RNF44: variants seen among roughly 807,000 people sequenced by gnomAD.
RNF44 encodes ring finger protein 44.
In RNF44, 25 loss-of-function variants were observed where a neutral mutation model predicts 53.6. The observed-to-expected ratio is 0.47, with a 90% CI of 0.34 to 0.65. The LOEUF (loss-of-function observed/expected upper bound fraction) is 0.65. Among genes scored for constraint, RNF44 ranks in the 30% least tolerant of loss-of-function variants. RNF44 has a pLI of 0.01. For missense variants in RNF44, 581 were observed against 595.5 expected (o/e 0.98, Z 0.25); for synonymous variants, 282 against 252.2 (o/e 1.12, Z -1.12).
upstream of RNF44, among the ~76,000 whole-genome samples, chr5:176,540,161 C>G (rs1757415928): frequency 6.6e-6 from 1 of 152,170 alleles, no homozygotes; most frequent in Non-Finnish European, 1.5e-5. Context: ...CGCTGTGTGT[C>G]TCACTCAGTA....
intron 10 of RNF44, 32 bp from the exon 11 acceptor site, chr5:176,529,122 C>T (rs1756313658): frequency 1.2e-6 from 2 of 1,611,446 alleles, no homozygotes; most frequent in South Asian, 2.2e-5. Flanking sequence ...GCGTTGCTCT[C>T]ACCAGCCCCA....
Position 176,531,676 on chromosome 5 carries a change from C to A in RNF44, c.298-46G>T, listed in dbSNP as rs112960485. On this transcript the variant is annotated intron_variant, in intron 3 of 10. Coordinates refer to ENST00000274811, the MANE Select transcript of RNF44 (RefSeq NM_014901.5). This position sits in a 1 kb window ranked among gnomAD's most constrained non-coding sequence, Gnocchi z 4.2. The stretch of plus-strand genomic sequence containing the variant: ...GGGAAAGTATGAAAAGGAAGCTGAC[C>A]GCGAGGGCTACTCTCAGGAGAAATC... 6.5e-7 allele frequency: 1 copy of A among 1,549,684 alleles called. No individual in the cohort carries two copies. Among genetic ancestry groups the A allele is most frequent in the East Asian group, 2.3e-5 (1 of 43,928 alleles).
intron 1 of RNF44, chr5:176,536,411 G>C (rs997774351): frequency 1.6e-4 from 25 of 152,386 alleles, no homozygotes; most frequent in African/African-American, 6.0e-4. Flanking sequence ...TGGGGAAGGG[G>C]GGGCTCCCCA....
At chr5:176,533,255 G>C (rs893494994) in intron 1 of RNF44, among the ~76,000 whole-genome samples, 1 of 152,192 alleles carries the variant, frequency 6.6e-6, no homozygotes, top group Admixed American at 6.5e-5. Context: ...CAGGCAAGAG[G>C]TTCTAACCCG....
chr5:176,531,353 G>A lies in RNF44; in HGVS notation c.465+110C>T. ...GGCCAGGCAGGCGCTCTGACAGCCT[G>A]GATGGCTGGATAGCTCAGCCCAGTT... On this transcript the variant is annotated intron_variant, in intron 4 of 10. Transcript: ENST00000274811. This position sits in a 1 kb window ranked among gnomAD's most constrained non-coding sequence, Gnocchi z 4.2. 9.2e-7 allele frequency: 1 copy of A among 1,092,164 alleles called. No homozygotes were observed. Among genetic ancestry groups the A allele is most frequent in the South Asian group, 1.6e-5 (1 of 61,698 alleles). 67.7% of individuals were successfully genotyped at this position (1,092,164 alleles called of 1,614,324 possible).
At chr5:176,535,531 G>A (rs1757073355) in intron 1 of RNF44, among the ~76,000 whole-genome samples, 1 of 152,148 alleles carries the variant, frequency 6.6e-6, no homozygotes. Context: ...CGAGAGAAAG[G>A]AAGTAAGTTA....
Position 176,531,454 on chromosome 5 carries a change from C to T in RNF44, c.465+9G>A. ...GCTGGTGGAGGAGGAGCTAGAAACA[C>T]TCACTCACCGGGGGCGGGAGGCAGC... On this transcript the variant is annotated intron_variant, in intron 4 of 10. Coordinates refer to ENST00000274811, the MANE Select transcript of RNF44 (RefSeq NM_014901.5). This position sits in a 1 kb window ranked among gnomAD's most constrained non-coding sequence, Gnocchi z 4.2. 1.9e-6 allele frequency: 3 copies of T among 1,549,922 alleles called. No individual in the cohort carries two copies. Among genetic ancestry groups the T allele is most frequent in the Non-Finnish European group, 2.6e-6 (3 of 1,147,328 alleles).
chr5:176,541,973 C>T (rs558041943), upstream of RNF44, among the ~76,000 whole-genome samples: 2 of 152,316 alleles, frequency 1.3e-5, no homozygotes, highest in African/African-American at 2.4e-5. Context: ...CTGCTAAGTC[C>T]TTTCCACTCA....
Position 176,529,366 on chromosome 5 carries a change from GT to G in RNF44, c.1157del (p.Asp386AlafsTer26). 6.2e-7 allele frequency: 1 copy of G among 1,613,494 alleles called. No individual in the cohort carries two copies. The highest frequency in any genetic ancestry group is 8.5e-7 in the Non-Finnish European group (1 of 1,179,950). On this transcript the variant is annotated frameshift_variant, in exon 10 of 11. Transcript: ENST00000274811. LOFTEE classifies it high-confidence loss of function. Reference sequence around the variant, plus strand: ...CTCGGAGCAGCTGCCGCGCCTCGAAGTCACTGAAGCAGACCACACACCTGTG... The same window carrying G: ...CTCGGAGCAGCTGCCGCGCCTCGAAGCACTGAAGCAGACCACACACCTGTG... ...EQTLCVVCFS[D>X]FEARQLLRVL...
chr5:176,530,917 T>TGTGGTGGGGGGGGGGGGGGGGGGGGG lies in RNF44; in HGVS notation c.569_570insCCCCCCCCCCCCCCCCCCCCCACCAC (p.Gln193ProfsTer89). The stretch of plus-strand genomic sequence containing the variant: ...GCGCCATGTGGGTGGGCTGGGGGGG[T>TGTGGTGGGGGGGGGGGGGGGGGGGGG]GGGGCCGGTGGTGGGGGGTGCAGGA... On this transcript the variant is annotated frameshift_variant, in exon 5 of 11. Coordinates refer to ENST00000274811, the MANE Select transcript of RNF44 (RefSeq NM_014901.5). LOFTEE classifies it high-confidence loss of function. 4.3e-6 allele frequency: 1 copy of TGTGGTGGGGGGGGGGGGGGGGGGGGG among 232,856 alleles called. No homozygotes were observed. The highest frequency in any genetic ancestry group is 7.0e-6 in the Non-Finnish European group (1 of 143,580). The allele number at this position is 232,856 out of a possible 1,614,324, so 14.4% of individuals were successfully genotyped here. A position where few individuals can be genotyped will look rare whatever the true frequency, so the allele number is the denominator to read the frequency against.
chr5:176,536,765 C>T (rs774563291), intron 1 of RNF44, among the ~76,000 whole-genome samples, 175 bp downstream of exon 1: 2 of 149,058 alleles, frequency 1.3e-5, no homozygotes, highest in Non-Finnish European at 3.0e-5. Flanking sequence ...ACGGCCCGGC[C>T]ACGGGGGGCC....
chr5:176,529,598 C>T lies in RNF44; in HGVS notation c.1061G>A (p.Gly354Asp). The change falls in exon 9 of 11, where the codon GGT (glycine) becomes GAT (aspartate). Residue 354 changes from glycine to aspartate, a missense_variant. Around this residue, in one of 3 missense-constraint regions of RNF44, gnomAD observed 183 missense variants for 198.6 expected, o/e 0.92. Transcript: ENST00000274811. The part of the protein sequence containing the change: ...AERLGDAKPR[G>D]LTKADIEQLP... ...CTGCTCTATGTCTGCTTTGGTGAGACCCCGGGGCTTGGCATCTCCCAGCCG... is the reference window on the plus strand; with the variant it reads ...CTGCTCTATGTCTGCTTTGGTGAGATCCCGGGGCTTGGCATCTCCCAGCCG... The T allele has an allele frequency of 6.2e-7, 1 of 1,614,000 alleles. No individual in the cohort carries two copies. Among genetic ancestry groups the T allele is most frequent in the Non-Finnish European group, 8.5e-7 (1 of 1,180,030 alleles).
Position 176,531,748 on chromosome 5 carries a change from C to A in RNF44, c.298-118G>T. 8.8e-7 allele frequency: 1 copy of A among 1,141,898 alleles called. No homozygotes were observed. Among genetic ancestry groups the A allele is most frequent in the South Asian group, 1.6e-5 (1 of 64,476 alleles). 70.7% of individuals were successfully genotyped at this position (1,141,898 alleles called of 1,614,324 possible). A position where few individuals can be genotyped will look rare whatever the true frequency, so the allele number is the denominator to read the frequency against. ...GGCTCCCTTCCCTTCTCCACGGCGG[C>A]CTACCTCAGTGCAGACCAGACTGTG... On this transcript the variant is annotated intron_variant, in intron 3 of 10. Transcript: ENST00000274811. This position sits in a 1 kb window ranked among gnomAD's most constrained non-coding sequence, Gnocchi z 4.2.
intron 1 of RNF44, among the ~76,000 whole-genome samples, chr5:176,533,295 G>A (rs911669828): frequency 1.3e-5 from 2 of 152,208 alleles, no homozygotes; most frequent in South Asian, 4.1e-4. Context: ...CCAGTCCAAA[G>A]CAAGACACTA....
chr5:176,531,560 G>A lies in RNF44; in HGVS notation c.368C>T (p.Thr123Ile). The A allele has an allele frequency of 6.2e-7, 1 of 1,613,222 alleles. No homozygotes were observed. The highest frequency in any genetic ancestry group is 8.5e-7 in the Non-Finnish European group (1 of 1,179,748). Residue 123 changes from threonine to isoleucine, a missense_variant, in exon 4 of 11, where the codon ACA becomes ATA. This residue lies in a region of RNF44 where 387 missense variants were observed against 366.0 expected (regional missense o/e 1.06). Coordinates refer to ENST00000274811, the MANE Select transcript of RNF44 (RefSeq NM_014901.5). This position sits in a 1 kb window ranked among gnomAD's most constrained non-coding sequence, Gnocchi z 4.2. ...ACTGCAGCCAGGGATGTGCTGGCCT[G>A]TAGGCAAGGGGAAGCCTTGGGTCGT... ...TVTTQGFPLP[T>I]GQHIPGCSAQ...
upstream of RNF44, chr5:176,537,434 C>T (rs1176226599): frequency 6.6e-6 from 1 of 152,214 alleles, no homozygotes; most frequent in Admixed American, 6.5e-5. Flanking sequence ...GGGAGCTCCG[C>T]CCTGAGAGCC....
chr5:176,536,709 C>T (rs1757221272), intron 1 of RNF44, among the ~76,000 whole-genome samples: 1 of 151,140 alleles, frequency 6.6e-6, no homozygotes, highest in African/African-American at 2.4e-5. Flanking sequence ...AGGGGGGCGG[C>T]TCCTTCCTCT....
At chr5:176,541,916 G>A (rs191119110), upstream of RNF44, among the ~76,000 whole-genome samples, 24 of 152,296 alleles carry the variant, frequency 1.6e-4, no homozygotes, top group African/African-American at 5.8e-4. Flanking sequence ...CAGAGCATCA[G>A]AGCAGGGCCC....
At chr5:176,529,973 A>G in intron 7 of RNF44, 109 bp downstream of exon 7, 1 of 1,410,666 alleles carries the variant, frequency 7.1e-7, no homozygotes, top group Non-Finnish European at 9.5e-7. Flanking sequence ...GGGGAACGCC[A>G]GGTGGCTTCA....
Sources: gnomAD v4.1 joint callset for allele counts (sites outside exome capture counted in the v4.1 genomes callset) on GRCh38, gnomAD v4.1.1 for gene constraint, gnomAD v4.1.1 regional missense constraint, Gnocchi (gnomAD v3.1) non-coding constraint, MANE v1.5 for transcripts, NCBI Gene and HGNC (gene_info 2026-07-23, HGNC 2026-07-21) for gene names.